Variants in ZCCHC7 observed in about 807,000 individuals in gnomAD.
The protein encoded by ZCCHC7 is zinc finger CCHC domain-containing protein 7.
A neutral mutation model predicts 52.0 loss-of-function variants in ZCCHC7; 35 were observed. That is an observed-to-expected ratio of 0.67 (90% CI 0.51 to 0.89). ZCCHC7 has a LOEUF of 0.89. Among genes scored for constraint, ZCCHC7 ranks in the 40% least tolerant of loss-of-function variants. The pLI, the probability that ZCCHC7 is intolerant of heterozygous loss-of-function variation, is 0.00. For missense variants in ZCCHC7, 574 were observed against 649.1 expected (o/e 0.88, Z 1.26); for synonymous variants, 217 against 221.5 (o/e 0.98, Z 0.18).
intron 2 of ZCCHC7, among the ~76,000 whole-genome samples, chr9:37,259,440 TATA>T (rs751734069): frequency 1.6e-4 from 24 of 152,324 alleles, no homozygotes; most frequent in Non-Finnish European, 3.4e-4. Flanking sequence ...ATTTTTAATT[TATA>T]TAATTGGAAG....
intron 2 of ZCCHC7, among the ~76,000 whole-genome samples, chr9:37,227,128 T>G (rs6476620): frequency 0.051 from 7,715 of 152,086 alleles, 641 homozygotes; most frequent in African/African-American, 0.17. Context: ...AATATAAAAT[T>G]TGGACTTAAT....
intron 5 of ZCCHC7, among the ~76,000 whole-genome samples, chr9:37,321,691 A>G (rs1461257666): frequency 1.3e-5 from 2 of 152,172 alleles, no homozygotes; most frequent in African/African-American, 4.8e-5. Context: ...GCTTGAGCCC[A>G]GGAGATCAGG....
chr9:37,304,673 C>G (rs1829218574), intron 4 of ZCCHC7, among the ~76,000 whole-genome samples: 1 of 149,450 alleles, frequency 6.7e-6, no homozygotes, highest in African/African-American at 2.5e-5. Context: ...AAAAAAAAAT[C>G]TCAAGTGTGA....
chr9:37,166,556 CT>C (rs541100350), intron 2 of ZCCHC7, among the ~76,000 whole-genome samples: 1 of 151,642 alleles, frequency 6.6e-6, no homozygotes, highest in East Asian at 1.9e-4. Context: ...ACTTTTTAAA[CT>C]TTTTTTATTT....
intron 2 of ZCCHC7, among the ~76,000 whole-genome samples, chr9:37,301,461 G>T (rs1278611979): frequency 6.6e-6 from 1 of 152,098 alleles, no homozygotes; most frequent in Non-Finnish European, 1.5e-5. Context: ...TTAGCCTAGC[G>T]TGGTGGCAAG....
Position 37,347,886 on chromosome 9 carries a change from A to C in ZCCHC7, c.988-1471A>C, listed in dbSNP as rs866293881. Among the ~76,000 whole-genome samples, 19 of 152,272 alleles carry C rather than the reference A, an allele frequency of 1.2e-4. 1 individual carries two copies. The highest frequency in any genetic ancestry group is 6.8e-3 in the Middle Eastern group (2 of 294). ...TATATTTAACATTGTAGATCAGTTCATCCTTCTTGAAACAACTCTAAAGTC... is the reference window on the plus strand; with the variant it reads ...TATATTTAACATTGTAGATCAGTTCCTCCTTCTTGAAACAACTCTAAAGTC... On this transcript the variant is annotated intron_variant, in intron 6 of 8. Coordinates refer to ENST00000336755, the MANE Select transcript of ZCCHC7 (RefSeq NM_032226.3).
intron 2 of ZCCHC7, among the ~76,000 whole-genome samples, chr9:37,293,364 A>C (rs1828626650): frequency 6.6e-6 from 1 of 152,200 alleles, no homozygotes; most frequent in African/African-American, 2.4e-5. Flanking sequence ...ATGTTAAAAG[A>C]AATAATAGGA....
intron 2 of ZCCHC7, among the ~76,000 whole-genome samples, chr9:37,226,445 A>C (rs1483382907): frequency 6.6e-6 from 1 of 152,158 alleles, no homozygotes. Context: ...AATTGATTAT[A>C]AAATGTATTT....
intron 2 of ZCCHC7, among the ~76,000 whole-genome samples, chr9:37,151,485 C>T (rs554229628): frequency 6.6e-6 from 1 of 152,044 alleles, no homozygotes; most frequent in African/African-American, 2.4e-5. Context: ...ATTATAAAAT[C>T]ATCTTCATAT....
At chr9:37,316,679 A>G (rs553215401) in intron 5 of ZCCHC7, among the ~76,000 whole-genome samples, 2 of 152,274 alleles carry the variant, frequency 1.3e-5, no homozygotes, top group African/African-American at 4.8e-5. Flanking sequence ...TTAATGGTAT[A>G]GATAACAATG....
At chr9:37,254,538 CTA>C (rs1033660305) in intron 2 of ZCCHC7, among the ~76,000 whole-genome samples, 1 of 151,664 alleles carries the variant, frequency 6.6e-6, no homozygotes, top group African/African-American at 2.4e-5. Context: ...GGAAAGAACA[CTA>C]AAAAAAGGCG....
chr9:37,306,569 G>A (rs377049482), intron 5 of ZCCHC7, among the ~76,000 whole-genome samples: 57 of 151,222 alleles, frequency 3.8e-4, no homozygotes, highest in South Asian at 1.9e-3. Flanking sequence ...GGGTTCAAGC[G>A]ATTCTCCTGC....
rs562975912 is a variant in ZCCHC7, at chr9:37,228,523, A to G, written c.611-73665A>G. On this transcript the variant is annotated intron_variant, in intron 2 of 8. Transcript: ENST00000336755. ...TCAGCCTCCTGAGGCAAGCAACACC[A>G]TGCCTAGCTAATTTATTTTTATTCT... 8.6e-3 allele frequency among the ~76,000 whole-genome samples: 1,303 copies of G among 151,882 alleles called. 8 individuals are homozygous for G. Among genetic ancestry groups the G allele is most frequent in the Non-Finnish European group, 0.014 (944 of 67,914 alleles).
intron 2 of ZCCHC7, among the ~76,000 whole-genome samples, chr9:37,250,755 A>G (rs1382278987): frequency 1.3e-5 from 2 of 152,200 alleles, no homozygotes; most frequent in Non-Finnish European, 2.9e-5. Context: ...GTTTCAAGGT[A>G]TATTATGAGG....
intron 1 of ZCCHC7, among the ~76,000 whole-genome samples, chr9:37,122,731 A>G (rs1715432958): frequency 6.6e-6 from 1 of 152,228 alleles, no homozygotes; most frequent in Non-Finnish European, 1.5e-5. Context: ...CGAGGTCAGG[A>G]GTTCGAGACC....
chr9:37,286,578 G>GAC (rs1828217002), intron 2 of ZCCHC7, among the ~76,000 whole-genome samples: 1 of 151,782 alleles, frequency 6.6e-6, no homozygotes, highest in East Asian at 1.9e-4. Context: ...GAGTCCGGGA[G>GAC]TCTGAGGCTG....
At chr9:37,238,319 A>G (rs780116535) in intron 2 of ZCCHC7, among the ~76,000 whole-genome samples, 9 of 152,104 alleles carry the variant, frequency 5.9e-5, no homozygotes, top group Admixed American at 2.6e-4. Flanking sequence ...CTTGTTTGAC[A>G]TATTCCTGAT....
intron 2 of ZCCHC7, among the ~76,000 whole-genome samples, chr9:37,241,319 T>C (rs1825864820): frequency 6.6e-6 from 1 of 151,840 alleles, no homozygotes; most frequent in Non-Finnish European, 1.5e-5. Flanking sequence ...ACTTAAACTC[T>C]TGATTCTTCT....
At chr9:37,153,621 T>G (rs1456319516) in intron 2 of ZCCHC7, among the ~76,000 whole-genome samples, 1 of 151,662 alleles carries the variant, frequency 6.6e-6, no homozygotes, top group Non-Finnish European at 1.5e-5. Context: ...CCTTTCTTTC[T>G]TTCTTTCTTT....
Sources: allele counts gnomAD v4.1 joint callset (sites outside exome capture counted in the v4.1 genomes callset), GRCh38; gene constraint gnomAD v4.1.1; transcripts MANE v1.5; gene names NCBI Gene and HGNC (gene_info 2026-07-23, HGNC 2026-07-21).